IRS1: variants seen among roughly 807,000 people sequenced by gnomAD.
IRS1 encodes the protein insulin receptor substrate 1.
IRS1 carries 34 observed loss-of-function variants against 65.6 expected under a neutral mutation model. That is an observed-to-expected ratio of 0.52 (90% CI 0.39 to 0.69). The LOEUF (loss-of-function observed/expected upper bound fraction) is 0.69. Ranked by LOEUF, IRS1 falls within the 30% of genes least tolerant of loss-of-function variation. The pLI is 0.00. For synonymous variants in IRS1, 699 were observed against 683.5 expected (o/e 1.02, Z -0.35); for missense variants, 1,641 against 1,720.2 (o/e 0.95, Z 0.81).
chr2:226,794,953 A>G lies in IRS1; in HGVS notation c.*21+36T>C. The G allele has an allele frequency of 3.2e-6, 5 of 1,561,956 alleles. No homozygotes were observed. The highest frequency in any genetic ancestry group is 4.4e-6 in the Non-Finnish European group (5 of 1,134,126). ...AGAATTCAAGGACAAGGTTAAAAGC[A>G]GTTTTGTCTTCTGACTTTGTCACCA... is the stretch of plus-strand genomic sequence containing the variant. On this transcript the variant is annotated intron_variant, in intron 1 of 1. Transcript: ENST00000305123. This position sits in a 1 kb window ranked among gnomAD's most constrained non-coding sequence, Gnocchi z 4.1.
chr2:226,755,095 A>G (rs1270736255), intron 1 of IRS1, among the ~76,000 whole-genome samples: 1 of 152,222 alleles, frequency 6.6e-6, no homozygotes, highest in Non-Finnish European at 1.5e-5. Flanking sequence ...CCTGGTAGGC[A>G]TGGGGATATT....
intron 1 of IRS1, among the ~76,000 whole-genome samples, chr2:226,741,830 A>ACACAC (rs1559146752): frequency 7.8e-4 from 66 of 84,302 alleles, no homozygotes; most frequent in African/African-American, 2.6e-3. Context: ...CACACACATA[A>ACACAC]CACACACACA....
At position 226,797,617 on chromosome 2, in the gene IRS1, G is replaced by A; in HGVS notation, c.1122C>T (p.Ser374=). 2 of 1,587,674 alleles carry A rather than the reference G, an allele frequency of 1.3e-6. No individual in the cohort carries two copies. The highest frequency in any genetic ancestry group is 1.3e-5 in the African/African-American group (1 of 74,762). ...RLHPPLNHSR[S]IPMPASRCSP... is the part of the protein sequence containing the mutation. ...AGCAGCGGGAAGCCGGCATGGGGAT[G>A]GAGCGGCTGTGGTTGAGCGGGGGGT... Residue 374 remains serine (S), a synonymous_variant, in exon 1 of 2, where the codon TCC becomes TCT. Coordinates refer to ENST00000305123, the MANE Select transcript of IRS1 (RefSeq NM_005544.3). This position sits in a 1 kb window ranked among gnomAD's most constrained non-coding sequence, Gnocchi z 8.1.
In IRS1 at chr2:226,796,485, C is replaced by G; in HGVS notation, c.2254G>C (p.Gly752Arg). 6.2e-7 allele frequency: 1 copy of G among 1,613,802 alleles called. No individual in the cohort carries two copies. Among genetic ancestry groups the G allele is most frequent in the Non-Finnish European group, 8.5e-7 (1 of 1,180,024 alleles). Residue 752 changes from glycine to arginine, a missense_variant, in exon 1 of 2, where the codon GGC (glycine) becomes CGC (arginine). Coordinates refer to ENST00000305123, the MANE Select transcript of IRS1 (RefSeq NM_005544.3). Reference protein sequence around the residue: ...NTSSPSDCYYGPEDPQHKPVL... With the variant: ...NTSSPSDCYYRPEDPQHKPVL... ...GGCTTGTGCTGGGGGTCCTCAGGGC[C>G]GTAGTAGCAGTCGGAGGGGCTGCTG...
intron 1 of IRS1, among the ~76,000 whole-genome samples, chr2:226,764,711 T>C (rs1396793388): frequency 6.6e-6 from 1 of 152,190 alleles, no homozygotes; most frequent in Non-Finnish European, 1.5e-5. Flanking sequence ...CAGATCACAG[T>C]GAGGGTGCGC....
At chr2:226,751,648 C>G (rs992716377) in intron 1 of IRS1, among the ~76,000 whole-genome samples, 6 of 152,050 alleles carry the variant, frequency 3.9e-5, no homozygotes, top group African/African-American at 1.4e-4. Flanking sequence ...GTGACAGAGG[C>G]AGATGCACAG....
chr2:226,759,900 T>C (rs1444937431), intron 1 of IRS1, among the ~76,000 whole-genome samples: 2 of 152,170 alleles, frequency 1.3e-5, no homozygotes, highest in Admixed American at 6.5e-5. Flanking sequence ...ATGCGCTGGG[T>C]GCTGTGGCTC....
chr2:226,797,799 C>T lies in IRS1; in HGVS notation c.940G>A (p.Ala314Thr). 1 of 1,598,964 alleles carries T rather than the reference C, an allele frequency of 6.3e-7. No individual in the cohort carries two copies. The change falls in exon 1 of 2, where the codon GCC becomes ACC. Residue 314 changes from alanine (A) to threonine (T), a missense_variant. Coordinates refer to ENST00000305123, the MANE Select transcript of IRS1 (RefSeq NM_005544.3). The surrounding 1 kb of genome is among the most constrained non-coding windows in gnomAD (Gnocchi z 8.1). Reference protein sequence around the residue: ...RTESITATSPASMVGGKPGSF... With the variant: ...RTESITATSPTSMVGGKPGSF... ...CCTGGCTTCCCGCCCACCATGCTGG[C>T]CGGGGAGGTGGCGGTGATGCTCTCA...
Position 226,797,436 on chromosome 2 carries a change from G to A in IRS1, c.1303C>T (p.Pro435Ser). The A allele has an allele frequency of 6.2e-7, 1 of 1,613,348 alleles. No homozygotes were observed. The highest frequency in any genetic ancestry group is 8.5e-7 in the Non-Finnish European group (1 of 1,179,882). ...FISSDEYGSSPCDFRSSFRSV... is the reference protein window; with the variant it reads ...FISSDEYGSSSCDFRSSFRSV... Reference sequence around the variant, plus strand: ...CGGAAGGAACTCCGGAAATCGCAGGGACTGGAGCCATACTCATCCGAGGAG... The same window carrying A: ...CGGAAGGAACTCCGGAAATCGCAGGAACTGGAGCCATACTCATCCGAGGAG... Residue 435 changes from proline to serine, a missense_variant, in exon 1 of 2, where the codon CCC (proline) becomes TCC (serine). Around this residue, in one of 3 missense-constraint regions of IRS1, gnomAD observed 1,324 missense variants for 1,361.0 expected, o/e 0.97. Transcript: ENST00000305123. This position sits in a 1 kb window ranked among gnomAD's most constrained non-coding sequence, Gnocchi z 8.1.
chr2:226,746,865 C>T (rs1458161605), intron 1 of IRS1, among the ~76,000 whole-genome samples: 1 of 145,358 alleles, frequency 6.9e-6, no homozygotes, highest in African/African-American at 2.5e-5. Flanking sequence ...TCTCAGCTTA[C>T]TGCAACTTCT....
chr2:226,786,104 T>C (rs1939482636), intron 1 of IRS1, among the ~76,000 whole-genome samples: 1 of 149,050 alleles, frequency 6.7e-6, no homozygotes, highest in Non-Finnish European at 1.5e-5. Context: ...TCGTATTCCA[T>C]GGTGTATATG....
At position 226,798,426 on chromosome 2, in the gene IRS1, T is replaced by G. The variant is rs1939799305; in HGVS notation, c.313A>C (p.Ser105Arg). Reference sequence around the variant, plus strand: ...AGCTGTAGGAGAGCCTGGTACCAGCTGTCTTGCTCGGCCTCGCTGTCCGCC... The same window carrying G: ...AGCTGTAGGAGAGCCTGGTACCAGCGGTCTTGCTCGGCCTCGCTGTCCGCC... The part of the protein sequence containing the change: ...IAADSEAEQD[S>R]WYQALLQLHN... The change falls in exon 1 of 2, where the codon AGC becomes CGC. Residue 105 changes from serine (S) to arginine (R), a missense_variant. Coordinates refer to ENST00000305123, the MANE Select transcript of IRS1 (RefSeq NM_005544.3). The surrounding 1 kb of genome is among the most constrained non-coding windows in gnomAD (Gnocchi z 9.4). 6.2e-7 allele frequency: 1 copy of G among 1,614,122 alleles called. No homozygotes were observed. The highest frequency in any genetic ancestry group is 2.2e-5 in the East Asian group (1 of 44,878).
rs146826164 is a variant in IRS1, at chr2:226,796,582, C to T, written c.2157G>A (p.Glu719=). The T allele has an allele frequency of 3.2e-5, 51 of 1,613,974 alleles. No homozygotes were observed. Among genetic ancestry groups the T allele is most frequent in the Non-Finnish European group, 3.8e-5 (45 of 1,179,986 alleles). The change falls in exon 1 of 2, where the codon GAG becomes GAA. Residue 719 remains glutamate, a synonymous_variant. Transcript: ENST00000305123. ...HVLPHPKPPV[E]SSGGKLLPCT... is the part of the protein sequence containing the mutation. ...AAGGTAAGAGCTTACCACCGCTGCT[C>T]TCCACTGGGGGTTTGGGGTGAGGCA...
At chr2:226,766,153 A>ATTTTTT (rs1422570346) in intron 1 of IRS1, among the ~76,000 whole-genome samples, 6 of 4,814 alleles carry the variant, frequency 1.2e-3, no homozygotes, top group African/African-American at 1.6e-3. Context: ...ATATATATAT[A>ATTTTTT]TATATATATA....
Position 226,797,351 on chromosome 2 carries a change from C to T in IRS1, c.1388G>A (p.Ser463Asn). 1 of 1,613,302 alleles carries T rather than the reference C, an allele frequency of 6.2e-7. No individual in the cohort carries two copies. ...TPPARGEEEL[S>N]NYICMGGKGP... ...CTTGCCACCCATGCAGATATAGTTG[C>T]TTAGCTCCTCCTCACCGCGGGCTGG... is the stretch of plus-strand genomic sequence containing the variant. The change falls in exon 1 of 2, where the codon AGC becomes AAC. Residue 463 changes from serine to asparagine, a missense_variant. Ser to Asn is a conservative substitution (Grantham distance 46). Coordinates refer to ENST00000305123, the MANE Select transcript of IRS1 (RefSeq NM_005544.3). This position sits in a 1 kb window ranked among gnomAD's most constrained non-coding sequence, Gnocchi z 8.1.
chr2:226,735,393 T>G lies in IRS1; in HGVS notation c.*879A>C, dbSNP rs1364331316. 1 of 152,196 alleles carries G rather than the reference T, an allele frequency of 6.6e-6. No homozygotes were observed. The highest frequency in any genetic ancestry group is 1.5e-5 in the Non-Finnish European group (1 of 68,024). The allele number at this position is 152,196 out of a possible 1,614,324, so 9.4% of individuals were successfully genotyped here. On this transcript the variant is annotated 3_prime_UTR_variant, in exon 2 of 2. Transcript: ENST00000305123. ...AATTTCCTCTTCTTATAATTTTGCT[T>G]CCATTCAATTACCAATTTTAAGCTG...
At chr2:226,773,976 A>T (rs1939216564) in intron 1 of IRS1, among the ~76,000 whole-genome samples, 1 of 152,204 alleles carries the variant, frequency 6.6e-6, no homozygotes, top group Non-Finnish European at 1.5e-5. Flanking sequence ...GGTGATAGAC[A>T]GTGAGGCATG....
intron 1 of IRS1, among the ~76,000 whole-genome samples, chr2:226,743,073 T>C (rs943041667): frequency 7.2e-5 from 11 of 152,194 alleles, no homozygotes; most frequent in East Asian, 3.9e-4. Flanking sequence ...CTCCCCTCAA[T>C]TGCAAATCAA....
intron 1 of IRS1, among the ~76,000 whole-genome samples, chr2:226,769,145 A>C (rs1192145808): frequency 6.6e-6 from 1 of 152,202 alleles, no homozygotes; most frequent in Non-Finnish European, 1.5e-5. Flanking sequence ...GATTCTCCCA[A>C]CTCAATACTC....
Sources: allele counts gnomAD v4.1 joint callset (sites outside exome capture counted in the v4.1 genomes callset), GRCh38; gene constraint gnomAD v4.1.1; regional missense constraint gnomAD v4.1.1; non-coding constraint Gnocchi (gnomAD v3.1); transcripts MANE v1.5; gene names NCBI Gene and HGNC (gene_info 2026-07-23, HGNC 2026-07-21).